The following ADGRF5 variants were observed in gnomAD, a reference collection of about 807,000 sequenced individuals.
ADGRF5 encodes G-protein coupled receptor 116.
ADGRF5 carries 75 observed loss-of-function variants against 132.3 expected under a neutral mutation model. That is an observed-to-expected ratio of 0.57 (90% confidence interval 0.47 to 0.69). The LOEUF is 0.69. ADGRF5 is among the 30% of genes least tolerant of loss of function. ADGRF5 has a pLI of 0.00. For synonymous variants in ADGRF5, 629 were observed against 597.6 expected, an observed-to-expected ratio of 1.05 and a Z score of -0.77; for missense variants, 1,516 against 1,630.6, an observed-to-expected ratio of 0.93 and a Z score of 1.21.
chr6:46,880,091 G>A, intron 8 of ADGRF5, 52 bp from the exon 9 acceptor site: 2 of 1,252,264 alleles, frequency 1.6e-6, no homozygotes, highest in Non-Finnish European at 2.3e-6. Context: ...AAATGTCACT[G>A]ATGCTACTCA....
chr6:46,913,206 A>T (rs1291543619), intron 1 of ADGRF5, among the ~76,000 whole-genome samples: 4 of 152,100 alleles, frequency 2.6e-5, no homozygotes, highest in African/African-American at 9.7e-5. Flanking sequence ...TCAAGTTTTA[A>T]GAAGAAGGGG....
intron 1 of ADGRF5, among the ~76,000 whole-genome samples, chr6:46,952,826 A>G (rs1284856338): frequency 6.6e-6 from 1 of 152,188 alleles, no homozygotes; most frequent in Non-Finnish European, 1.5e-5. Flanking sequence ...TATAGCAACT[A>G]TCACTTAATG....
chr6:46,927,655 G>A (rs1214824288), intron 1 of ADGRF5, among the ~76,000 whole-genome samples: 1 of 152,198 alleles, frequency 6.6e-6, no homozygotes, highest in Admixed American at 6.5e-5. Flanking sequence ...CACATCTGAC[G>A]CAAGCCAGCA....
intron 2 of ADGRF5, among the ~76,000 whole-genome samples, chr6:46,903,891 A>G (rs1231074141): frequency 5.3e-5 from 8 of 152,210 alleles, no homozygotes. Context: ...CATGTAGAAC[A>G]TTGAAGCCTC....
intron 1 of ADGRF5, among the ~76,000 whole-genome samples, chr6:46,943,752 C>G (rs1318220281): frequency 6.6e-6 from 1 of 152,140 alleles, no homozygotes; most frequent in Non-Finnish European, 1.5e-5. Context: ...CTATGAATCC[C>G]AAACCCAGTT....
intron 1 of ADGRF5, among the ~76,000 whole-genome samples, chr6:46,933,189 GA>G (rs1038472425): frequency 2.0e-5 from 3 of 152,194 alleles, no homozygotes; most frequent in Non-Finnish European, 2.9e-5. Context: ...GAGCTTAGGG[GA>G]ACTAAATATT....
At chr6:46,856,598 C>G in intron 19 of ADGRF5, 120 bp downstream of exon 19, 1 of 668,212 alleles carries the variant, frequency 1.5e-6, no homozygotes, top group South Asian at 1.9e-5. Flanking sequence ...TTTGAGGATG[C>G]AATATATTTA....
At chr6:46,940,263 T>C (rs1202817052) in intron 1 of ADGRF5, among the ~76,000 whole-genome samples, 1 of 152,252 alleles carries the variant, frequency 6.6e-6, no homozygotes, top group East Asian at 1.9e-4. Context: ...CTTGCTATTA[T>C]ACTTTTCACA....
intron 10 of ADGRF5, among the ~76,000 whole-genome samples, chr6:46,872,850 G>T (rs773626799): frequency 2.6e-5 from 4 of 152,188 alleles, no homozygotes; most frequent in Non-Finnish European, 5.9e-5. Flanking sequence ...GAAGGAAAAA[G>T]AATAAGCCTT....
At chr6:46,859,663 G>C in intron 16 of ADGRF5, 140 bp from the exon 17 acceptor site, 1 of 610,544 alleles carries the variant, frequency 1.6e-6, no homozygotes, top group South Asian at 2.2e-5. Flanking sequence ...CAGGCAGTGG[G>C]GATGTATGAC....
rs1769656028 is a variant in ADGRF5 at position 46,860,860 on chromosome 6, A to G, written c.2234T>C (p.Leu745Pro). The part of the protein sequence containing the change: ...LIKSPSQDEM[L>P]PTYLKDLSIS... ...AGAAAGATCCTTCAGGTATGTAGGG[A>G]GCATCTCATCCTGAGAGGGGCTCTT... is the stretch of plus-strand genomic sequence containing the variant. The change falls in exon 16 of 21, where the codon CTC (leucine) becomes CCC (proline). Residue 745 changes from leucine (L) to proline (P), a missense_variant. This residue lies in a region of ADGRF5 where 945 missense variants were observed against 929.4 expected (regional missense o/e 1.02). Coordinates refer to ENST00000283296, the MANE Select transcript of ADGRF5 (RefSeq NM_001098518.2). The G allele has an allele frequency of 3.7e-6, 6 of 1,612,632 alleles. No homozygotes were observed. The highest frequency in any genetic ancestry group is 5.1e-6 in the Non-Finnish European group (6 of 1,178,978).
intron 3 of ADGRF5, among the ~76,000 whole-genome samples, chr6:46,889,759 T>C (rs1773453447): frequency 8.1e-6 from 1 of 123,616 alleles, no homozygotes; most frequent in South Asian, 2.5e-4. Flanking sequence ...AAACACTATA[T>C]ATAATATATT....
At position 46,861,002 on chromosome 6, in the gene ADGRF5, T is replaced by G. The variant is rs1769680878; in HGVS notation, c.2200-108A>C. The G allele has an allele frequency of 6.2e-6, 5 of 808,738 alleles. No individual in the cohort carries two copies. In the East Asian group the frequency reaches 1.3e-4, roughly 21 times the overall value. The allele number at this position is 808,738 out of a possible 1,614,324, so 50.1% of individuals were successfully genotyped here. ...CTCTCACATCCGTTGTTTCCTTTTT[T>G]GCTCCATTTCCATAAATATGTCCCA... On this transcript the variant is annotated intron_variant, in intron 15 of 20. Transcript: ENST00000283296.
rs759899930 is a variant in ADGRF5 at position 46,858,471 on chromosome 6, G to A, written c.3432C>T (p.Val1144=). 2 of 1,613,882 alleles carry A rather than the reference G, an allele frequency of 1.2e-6. No individual in the cohort carries two copies. The highest frequency in any genetic ancestry group is 1.1e-5 in the South Asian group (1 of 91,046). The change falls in exon 17 of 21, where the codon GTC becomes GTT. Residue 1144 remains valine, a synonymous_variant. Coordinates refer to ENST00000283296, the MANE Select transcript of ADGRF5 (RefSeq NM_001098518.2). ...GGGGCTGGGTGGCTCCCAGCGTGAT[G>A]ACCGAGATGGCAAGTGGGCAGCCAT... The part of the protein sequence containing the change: ...LGYGCPLAIS[V]ITLGATQPRE...
intron 1 of ADGRF5, among the ~76,000 whole-genome samples, chr6:46,946,345 C>T (rs1778301502): frequency 6.6e-6 from 1 of 152,138 alleles, no homozygotes; most frequent in South Asian, 2.1e-4. Flanking sequence ...TTTGAGGATA[C>T]AGAGGTCAAA....
chr6:46,875,664 C>T lies in ADGRF5; in HGVS notation c.1240+2538G>A, dbSNP rs1771574240. ...TGGTGGCAGGCACCTATAATCCCAG[C>T]TACTCGGGAGGCTGAGGCAGGAGAA... On this transcript the variant is annotated intron_variant, in intron 10 of 20. Coordinates refer to ENST00000283296, the MANE Select transcript of ADGRF5 (RefSeq NM_001098518.2). Among the ~76,000 whole-genome samples, 3 of 152,246 alleles carry T rather than the reference C, an allele frequency of 2.0e-5. No homozygotes were observed. In the South Asian group the frequency reaches 6.2e-4, roughly 32 times the overall value.
At chr6:46,899,681 T>G (rs987673946) in intron 3 of ADGRF5, among the ~76,000 whole-genome samples, 1 of 151,930 alleles carries the variant, frequency 6.6e-6, no homozygotes, top group Non-Finnish European at 1.5e-5. Flanking sequence ...TGTTTTGTTT[T>G]TTTTTTTAAA....
chr6:46,880,154 T>C (rs1772290796), intron 8 of ADGRF5, 115 bp from the exon 9 acceptor site: 4 of 713,384 alleles, frequency 5.6e-6, no homozygotes, highest in Non-Finnish European at 9.7e-6. Context: ...TCTGTGGTGC[T>C]GAACTGGCTG....
chr6:46,912,014 TG>T (rs1775997464), intron 1 of ADGRF5, among the ~76,000 whole-genome samples: 1 of 152,154 alleles, frequency 6.6e-6, no homozygotes, highest in South Asian at 2.1e-4. Context: ...ATTAAATCAC[TG>T]AGTCTTTACA....
Sources: allele counts gnomAD v4.1 joint callset (sites outside exome capture counted in the v4.1 genomes callset), GRCh38; gene constraint gnomAD v4.1.1; regional missense constraint gnomAD v4.1.1; transcripts MANE v1.5; gene names NCBI Gene and HGNC (gene_info 2026-07-23, HGNC 2026-07-21).